The following BTBD9 variants were observed in gnomAD, a reference collection of about 807,000 sequenced individuals.
BTBD9 encodes the protein BTB domain containing 9, also known as BTB/POZ domain-containing protein 9.
In BTBD9, 49 loss-of-function variants were observed where a neutral mutation model predicts 64.3. That is an observed-to-expected ratio of 0.76 (90% CI 0.61 to 0.97). The LOEUF is 0.97. Among genes scored for constraint, BTBD9 ranks in the 50% least tolerant of loss-of-function variants. BTBD9 has a pLI of 0.00. For missense variants in BTBD9, 598 were observed against 762.1 expected (o/e 0.78, Z 2.53); for synonymous variants, 260 against 274.7 (o/e 0.95, Z 0.53).
At chr6:38,537,799 G>A (rs1211223982) in intron 6 of BTBD9, among the ~76,000 whole-genome samples, 2 of 152,122 alleles carry the variant, frequency 1.3e-5, no homozygotes, top group Non-Finnish European at 2.9e-5. Context: ...TAGGTGTAGC[G>A]AATAGCTAAG....
At chr6:38,380,174 A>G (rs1241959953) in intron 6 of BTBD9, among the ~76,000 whole-genome samples, 1 of 152,190 alleles carries the variant, frequency 6.6e-6, no homozygotes, top group African/African-American at 2.4e-5. Context: ...ATGAAATGAA[A>G]TTATTTTCAA....
chr6:38,414,358 T>C (rs1396830439), intron 6 of BTBD9, among the ~76,000 whole-genome samples: 2 of 152,312 alleles, frequency 1.3e-5, no homozygotes, highest in South Asian at 2.1e-4. Flanking sequence ...TGGCATCTCA[T>C]ACATAATAGC....
chr6:38,445,172 T>C (rs2127323114), intron 6 of BTBD9, among the ~76,000 whole-genome samples: 1 of 152,352 alleles, frequency 6.6e-6, no homozygotes, highest in African/African-American at 2.4e-5. Flanking sequence ...CTACCAATTC[T>C]TACTGAATTT....
chr6:38,348,966 T>C (rs1764392899), intron 6 of BTBD9, among the ~76,000 whole-genome samples: 2 of 152,190 alleles, frequency 1.3e-5, no homozygotes, highest in African/African-American at 4.8e-5. Flanking sequence ...TGAAGTGCAG[T>C]GGCATGATCA....
At chr6:38,630,200 C>CA (rs541759836) in intron 1 of BTBD9, among the ~76,000 whole-genome samples, 8,478 of 58,922 alleles carry the variant, frequency 0.14, 613 homozygotes, top group East Asian at 0.35. Context: ...AATTCCGTCT[C>CA]AAAAAAAAAA....
intron 7 of BTBD9, among the ~76,000 whole-genome samples, chr6:38,322,286 ACCT>A (rs1236772938): frequency 6.6e-6 from 1 of 151,676 alleles, no homozygotes; most frequent in East Asian, 1.9e-4. Context: ...CCAACTCTAA[ACCT>A]CCTGCTTAAA....
chr6:38,280,004 A>C (rs1350431078), intron 8 of BTBD9, among the ~76,000 whole-genome samples: 1 of 151,364 alleles, frequency 6.6e-6, no homozygotes, highest in African/African-American at 2.4e-5. Flanking sequence ...TGAACACACA[A>C]ACATATTTTT....
chr6:38,460,312 G>A (rs569386940), intron 6 of BTBD9, among the ~76,000 whole-genome samples: 33 of 152,222 alleles, frequency 2.2e-4, no homozygotes, highest in African/African-American at 7.7e-4. Context: ...AGCTGGATCC[G>A]AGAAATGATC....
intron 6 of BTBD9, among the ~76,000 whole-genome samples, chr6:38,484,735 G>T (rs1282132481): frequency 2.6e-5 from 4 of 152,190 alleles, no homozygotes; most frequent in African/African-American, 9.6e-5. Context: ...TCCAAAAAAA[G>T]TACAGATTAT....
chr6:38,396,820 C>T (rs1187398375), intron 6 of BTBD9, among the ~76,000 whole-genome samples: 1 of 151,328 alleles, frequency 6.6e-6, no homozygotes, highest in African/African-American at 2.4e-5. Flanking sequence ...ATGTTGATTA[C>T]ATGTTGAATT....
intron 2 of BTBD9, chr6:38,595,905 A>G: frequency 3.0e-6 from 3 of 985,370 alleles, no homozygotes; most frequent in Non-Finnish European, 3.6e-6. Flanking sequence ...CTTATCCCCA[A>G]TCCTGTATGA....
At chr6:38,552,340 T>C (rs1292017598) in intron 6 of BTBD9, among the ~76,000 whole-genome samples, 4 of 152,170 alleles carry the variant, frequency 2.6e-5, no homozygotes, top group African/African-American at 9.7e-5. Context: ...AGTGTTCTGG[T>C]TGAACTTACT....
intron 6 of BTBD9, among the ~76,000 whole-genome samples, chr6:38,545,780 A>C (rs71571327): frequency 0.28 from 15,780 of 57,018 alleles, 376 homozygotes; most frequent in Middle Eastern, 0.33. Context: ...CTCCGTCTCA[A>C]AAAAAAAAAA....
intron 6 of BTBD9, among the ~76,000 whole-genome samples, chr6:38,474,799 T>C (rs368988291): frequency 1.3e-4 from 20 of 152,056 alleles, no homozygotes; most frequent in Non-Finnish European, 1.2e-4. Context: ...GTCCACATCA[T>C]GATAAAAAAA....
chr6:38,252,291 C>G (rs1279646492), intron 9 of BTBD9, among the ~76,000 whole-genome samples: 1 of 152,236 alleles, frequency 6.6e-6, no homozygotes, highest in South Asian at 2.1e-4. Context: ...CACTCTGTTT[C>G]AATAAAGAGC....
chr6:38,491,079 GT>G (rs1245690862), intron 6 of BTBD9, among the ~76,000 whole-genome samples: 1 of 152,220 alleles, frequency 6.6e-6, no homozygotes, highest in Non-Finnish European at 1.5e-5. Flanking sequence ...GGGTCATCAT[GT>G]TGAGAGAGAT....
intron 6 of BTBD9, among the ~76,000 whole-genome samples, chr6:38,453,841 A>C (rs926916990): frequency 3.3e-5 from 5 of 152,194 alleles, no homozygotes; most frequent in African/African-American, 1.2e-4. Flanking sequence ...TTTTGGAAGA[A>C]GACATTGGAA....
chr6:38,340,692 A>G (rs1764063367), intron 7 of BTBD9, among the ~76,000 whole-genome samples: 1 of 152,196 alleles, frequency 6.6e-6, no homozygotes, highest in South Asian at 2.1e-4. Flanking sequence ...GGGTTACTAA[A>G]TGAGTGTTGA....
intron 1 of BTBD9, among the ~76,000 whole-genome samples, chr6:38,620,591 C>T (rs1282850761): frequency 6.6e-6 from 1 of 152,176 alleles, no homozygotes; most frequent in Non-Finnish European, 1.5e-5. Flanking sequence ...TACTCTAGAT[C>T]TCCTGAACCT....
Sources: allele counts gnomAD v4.1 joint callset (sites outside exome capture counted in the v4.1 genomes callset), GRCh38; gene constraint gnomAD v4.1.1; transcripts MANE v1.5; gene names NCBI Gene and HGNC (gene_info 2026-07-23, HGNC 2026-07-21).